Variants in USP40 observed in about 807,000 individuals in gnomAD.
The protein encoded by USP40 is ubiquitin specific peptidase 40.
USP40 carries 143 observed loss-of-function variants against 166.2 expected under a neutral mutation model. The ratio of observed to expected loss-of-function variants is 0.86; its 90% CI spans 0.75 to 0.99. The LOEUF (loss-of-function observed/expected upper bound fraction) is 0.99, where lower values mean the gene tolerates loss of function less well. USP40 is among the 50% of genes least tolerant of loss of function. USP40 has a pLI of 0.00. For missense variants in USP40, 1,444 were observed against 1,479.7 expected, an observed-to-expected ratio of 0.98 and a Z score of 0.40; for synonymous variants, 498 against 524.0, an observed-to-expected ratio of 0.95 and a Z score of 0.68.
At chr2:233,538,911 C>G (rs940398060) in intron 10 of USP40, among the ~76,000 whole-genome samples, 2 of 151,948 alleles carry the variant, frequency 1.3e-5, no homozygotes, top group Non-Finnish European at 2.9e-5. Flanking sequence ...TGCCTGTGGT[C>G]GCAACTACTC....
intron 18 of USP40, 102 bp from the exon 19 acceptor site, chr2:233,512,724 A>C (rs1375388562): frequency 5.5e-6 from 3 of 542,556 alleles, no homozygotes; most frequent in African/African-American, 2.0e-5. Flanking sequence ...TCAAACACAG[A>C]AAACAAAAGA....
rs543112209 is a variant in USP40, at chr2:233,538,638, C to T, written c.1170+2024G>A. ...AAAATAAACAAGATCCAACTTCATA[C>T]TGAGACACACATGTATAAGAAAGCT... On this transcript the variant is annotated intron_variant, in intron 10 of 31. Transcript: ENST00000678225. Among the ~76,000 whole-genome samples the T allele has an allele frequency of 4.6e-5, 7 of 152,286 alleles. No homozygotes were observed. The South Asian group carries it at 1.5e-3, about 32-fold the overall frequency.
At chr2:233,494,844 C>CAAAAAAAAAAAA (rs1165042558) in intron 24 of USP40, among the ~76,000 whole-genome samples, 1 of 99,240 alleles carries the variant, frequency 1.0e-5, no homozygotes, top group Non-Finnish European at 2.1e-5. Flanking sequence ...AAAAAAAAAC[C>CAAAAAAAAAAAA]AAAAAAAAAA....
At chr2:233,510,388 C>CTTTTTTT (rs2066724423) in intron 20 of USP40, among the ~76,000 whole-genome samples, 5 of 79,272 alleles carry the variant, frequency 6.3e-5, no homozygotes, top group Non-Finnish European at 5.1e-5. Context: ...ACTTCTTTTT[C>CTTTTTTT]TTTCTTTTTT....
rs1224139321 is a variant in USP40 at position 233,565,464 on chromosome 2, G to C, written c.91C>G (p.Pro31Ala). 3 of 1,536,870 alleles carry C rather than the reference G, an allele frequency of 2.0e-6. No homozygotes were observed. In the African/African-American group the frequency reaches 4.1e-5, roughly 21 times the overall value. Residue 31 changes from proline (P) to alanine (A), a missense_variant, in exon 2 of 32, where the codon CCA (proline) becomes GCA (alanine). Transcript: ENST00000678225. ...TTGGTGAATTCTCTAGGAGCAGGTG[G>C]CTCCAAAGCTTTAGTCTTTAATTTC... ...GKKLKTKALE[P>A]PAPREFTNLS...
chr2:233,493,409 C>T lies in USP40; in HGVS notation c.2917+16G>A, dbSNP rs756046963. The T allele has an allele frequency of 1.2e-5, 20 of 1,613,836 alleles. No individual in the cohort carries two copies. The East Asian group carries it at 3.8e-4, about 31-fold the overall frequency. On this transcript the variant is annotated intron_variant, in intron 25 of 31. Coordinates refer to ENST00000678225, the MANE Select transcript of USP40 (RefSeq NM_001365479.2). This position sits in a 1 kb window ranked among gnomAD's most constrained non-coding sequence, Gnocchi z 4.7. ...TTTATGATGCACTGGCTGCTGAAAT[C>T]CCATTCTGTTCTCACCTTGGCTGGA...
chr2:233,554,858 G>A (rs1345486478), intron 5 of USP40, among the ~76,000 whole-genome samples: 1 of 152,142 alleles, frequency 6.6e-6, no homozygotes, highest in Non-Finnish European at 1.5e-5. Flanking sequence ...AAGGTATACA[G>A]TACTGTTTTA....
intron 10 of USP40, among the ~76,000 whole-genome samples, chr2:233,534,308 A>C (rs2068780481): frequency 6.6e-6 from 1 of 152,210 alleles, no homozygotes; most frequent in Admixed American, 6.5e-5. Context: ...GTAAGGGTTA[A>C]GTCACAATCC....
At position 233,529,457 on chromosome 2, in the gene USP40, T is replaced by C. The variant is rs368747102; in HGVS notation, c.1527A>G (p.Ala509=). 1.7e-5 allele frequency: 27 copies of C among 1,580,170 alleles called. No homozygotes were observed. In the African/African-American group the frequency reaches 3.3e-4, roughly 20 times the overall value. Residue 509 remains alanine (A), a synonymous_variant, in exon 12 of 32, where the codon GCA becomes GCG. Coordinates refer to ENST00000678225, the MANE Select transcript of USP40 (RefSeq NM_001365479.2). ...VPCHLLNEMD[A]ANIELQTKRA... ...TTTTGGTTTGCAGTTCAATGTTAGC[T>C]GCATCCATTTCATTCAGTAAATGAC...
At chr2:233,539,964 T>C (rs879831528) in intron 10 of USP40, among the ~76,000 whole-genome samples, 20 of 151,666 alleles carry the variant, frequency 1.3e-4, no homozygotes, top group African/African-American at 2.7e-4. Flanking sequence ...CAAAACCCTG[T>C]CTCTACAAAA....
Position 233,519,677 on chromosome 2 carries a change from A to G in USP40, c.2326-6T>C, listed in dbSNP as rs913950424. On this transcript the variant is annotated splice_polypyrimidine_tract_variant and splice_region_variant and intron_variant, in intron 17 of 31. Coordinates refer to ENST00000678225, the MANE Select transcript of USP40 (RefSeq NM_001365479.2). ...ATTCGAATATCAAACACCATCTAAA[A>G]CAGAGAAATAAAATAATGACTAAGT... 13 of 1,384,088 alleles carry G rather than the reference A, an allele frequency of 9.4e-6. No homozygotes were observed. The highest frequency in any genetic ancestry group is 1.3e-5 in the Non-Finnish European group (13 of 1,012,124). The allele number at this position is 1,384,088 out of a possible 1,614,324, so 85.7% of individuals were successfully genotyped here.
Position 233,489,436 on chromosome 2 carries a change from G to T in USP40, c.3060C>A (p.Ala1020=). The T allele has an allele frequency of 6.2e-7, 1 of 1,607,844 alleles. No homozygotes were observed. The highest frequency in any genetic ancestry group is 8.5e-7 in the Non-Finnish European group (1 of 1,177,260). Residue 1020 remains alanine (A), a synonymous_variant, in exon 27 of 32, where the codon GCC becomes GCA. Transcript: ENST00000678225. The part of the protein sequence containing the change: ...PFLEFGVPSP[A]HLRAWTVERK... ...TCTCCACCGTCCAGGCTCTGAGGTG[G>T]GCTGGGGACGGGACACCGAACTCCA...
chr2:233,525,170 A>C (rs1183787910), intron 14 of USP40, among the ~76,000 whole-genome samples: 1 of 152,234 alleles, frequency 6.6e-6, no homozygotes, highest in Non-Finnish European at 1.5e-5. Flanking sequence ...GTTTGAAACT[A>C]TGTTGTTCAA....
At chr2:233,507,168 G>A (rs2066481027) in intron 21 of USP40, among the ~76,000 whole-genome samples, 1 of 152,000 alleles carries the variant, frequency 6.6e-6, no homozygotes, top group Admixed American at 6.5e-5. Flanking sequence ...AAAAACAAGA[G>A]AAAACATGTA....
At chr2:233,528,665 T>C (rs2068244255) in intron 12 of USP40, among the ~76,000 whole-genome samples, 2 of 152,224 alleles carry the variant, frequency 1.3e-5, no homozygotes, top group South Asian at 4.1e-4. Flanking sequence ...TTTAATCTTT[T>C]TGGTATCTTG....
chr2:233,484,324 C>G (rs987444322), intron 30 of USP40, among the ~76,000 whole-genome samples: 2 of 152,176 alleles, frequency 1.3e-5, no homozygotes, highest in Admixed American at 6.5e-5. Context: ...GGTTTGCCTT[C>G]CAAGAACATG....
chr2:233,555,326 T>C (rs1357985129), intron 5 of USP40, among the ~76,000 whole-genome samples: 3 of 152,236 alleles, frequency 2.0e-5, no homozygotes, highest in Non-Finnish European at 4.4e-5. Context: ...AATAAGCACT[T>C]ACAATTTGGC....
chr2:233,531,871 C>T (rs6710645), intron 11 of USP40, among the ~76,000 whole-genome samples: 110,210 of 152,054 alleles, frequency 0.72, 40,851 homozygotes, highest in East Asian at 0.87. Flanking sequence ...AAAAATCTTA[C>T]TAGGCCTCAT....
chr2:233,480,073 T>A lies in USP40; in HGVS notation c.3599+1130A>T, dbSNP rs2064469005. On this transcript the variant is annotated intron_variant, in intron 31 of 31. Transcript: ENST00000678225. The surrounding 1 kb of genome is among the most constrained non-coding windows in gnomAD (Gnocchi z 4.5). ...CCCCTTCACACCCTCCAGCAGCCTC[T>A]AACCACGCTCGAACCCCCACTTCTG... is the stretch of plus-strand genomic sequence containing the variant. 6.6e-6 allele frequency among the ~76,000 whole-genome samples: 1 copy of A among 152,134 alleles called. No individual in the cohort carries two copies. The highest frequency in any genetic ancestry group is 2.4e-5 in the African/African-American group (1 of 41,422).
Sources: allele counts gnomAD v4.1 joint callset (sites outside exome capture counted in the v4.1 genomes callset), GRCh38; gene constraint gnomAD v4.1.1; non-coding constraint Gnocchi (gnomAD v3.1); transcripts MANE v1.5; gene names NCBI Gene and HGNC (gene_info 2026-07-23, HGNC 2026-07-21).